Variants in NRXN2 observed in about 807,000 individuals in gnomAD.
The protein encoded by NRXN2 is neurexin 2.
Under a neutral mutation model 128.8 loss-of-function variants are expected in NRXN2, and 29 were observed. The ratio of observed to expected loss-of-function variants is 0.23; its 90% confidence interval spans 0.17 to 0.31. The LOEUF (loss-of-function observed/expected upper bound fraction) is 0.31, where lower values mean the gene tolerates loss of function less well. Among genes scored for constraint, NRXN2 ranks in the 10% least tolerant of loss-of-function variants. NRXN2 has a pLI of 1.00. For missense variants in NRXN2, 1,881 were observed against 2,452.6 expected, an observed-to-expected ratio of 0.77 and a Z score of 4.92; for synonymous variants, 1,098 against 1,075.2, an observed-to-expected ratio of 1.02 and a Z score of -0.41.
intron 1 of NRXN2, among the ~76,000 whole-genome samples, chr11:64,716,375 G>C (rs1278338646): frequency 1.3e-5 from 2 of 152,162 alleles, no homozygotes; most frequent in African/African-American, 2.4e-5. Context: ...GAAAGGCGAG[G>C]GGCAGGAAGT....
At chr11:64,609,984 G>GGC (rs939637809) in intron 22 of NRXN2, among the ~76,000 whole-genome samples, 1 of 152,018 alleles carries the variant, frequency 6.6e-6, no homozygotes. Context: ...TTCACATCTT[G>GGC]GCGCTCTTCT....
At position 64,648,796 on chromosome 11, in the gene NRXN2, C is replaced by T. The variant is rs2047073765; in HGVS notation, c.3221G>A (p.Arg1074His). ...GCLASVDLNG[R>H]LPDLIADALH... is the part of the protein sequence containing the mutation. ...GGCGTCGGCGATGAGGTCTGGGAGA[C>T]GTCCGTTGAGGTCCACTGAGGCCAG... Residue 1074 changes from arginine (R) to histidine (H), a missense_variant, in exon 16 of 23, where the codon CGT becomes CAT. This residue lies in a region of NRXN2 where 390 missense variants were observed against 599.6 expected (regional missense o/e 0.65). Coordinates refer to ENST00000265459, the MANE Select transcript of NRXN2 (RefSeq NM_015080.4). This position sits in a 1 kb window ranked among gnomAD's most constrained non-coding sequence, Gnocchi z 4.1. The T allele has an allele frequency of 1.9e-6, 3 of 1,614,158 alleles. No individual in the cohort carries two copies. The highest frequency in any genetic ancestry group is 2.2e-5 in the East Asian group (1 of 44,884).
chr11:64,661,195 C>T, intron 9 of NRXN2, 56 bp from the exon 10 acceptor site: 1 of 1,609,080 alleles, frequency 6.2e-7, no homozygotes, highest in Admixed American at 1.7e-5. Context: ...AAGGGACATC[C>T]TGACTCTGCC....
chr11:64,660,831 C>T lies in NRXN2; in HGVS notation c.2107G>A (p.Gly703Ser), dbSNP rs2048927444. ...QCASAPCRNG[G>S]VCREGWNRFI... ...CGGTTCCAGCCTTCTCGACAGACGC[C>T]CCCATTGCGACAGGGGGCAGATGCA... The change falls in exon 10 of 23, where the codon GGC becomes AGC. Residue 703 changes from glycine (G) to serine (S), a missense_variant. Physicochemically the swap from Gly to Ser is moderately conservative, Grantham distance 56. Around this residue, in one of 7 missense-constraint regions of NRXN2, gnomAD observed 997 missense variants for 1,240.8 expected, o/e 0.80. Coordinates refer to ENST00000265459, the MANE Select transcript of NRXN2 (RefSeq NM_015080.4). The surrounding 1 kb of genome is among the most constrained non-coding windows in gnomAD (Gnocchi z 5.2). 1.9e-6 allele frequency: 3 copies of T among 1,614,030 alleles called. No homozygotes were observed. Among genetic ancestry groups the T allele is most frequent in the Non-Finnish European group, 2.5e-6 (3 of 1,179,996 alleles).
intron 12 of NRXN2, among the ~76,000 whole-genome samples, chr11:64,653,400 A>C (rs1591824478): frequency 1.3e-5 from 2 of 150,812 alleles, no homozygotes; most frequent in South Asian, 4.2e-4. Flanking sequence ...CCTCCTCCCC[A>C]CCCTCCTGCT....
intron 19 of NRXN2, among the ~76,000 whole-genome samples, chr11:64,626,933 A>T (rs2043143169): frequency 6.6e-6 from 1 of 152,062 alleles, no homozygotes; most frequent in African/African-American, 2.4e-5. Flanking sequence ...GGCATTTAGC[A>T]GGTTTAAGTT....
chr11:64,701,708 C>T (rs1207619955), intron 2 of NRXN2, among the ~76,000 whole-genome samples: 1 of 152,324 alleles, frequency 6.6e-6, no homozygotes, highest in African/African-American at 2.4e-5. Context: ...CACTGCACTC[C>T]AGCCTGGACG....
Position 64,685,256 on chromosome 11 carries a change from C to T in NRXN2, c.1152+390G>A, listed in dbSNP as rs537151234. Among the ~76,000 whole-genome samples the T allele has an allele frequency of 2.0e-5, 3 of 152,294 alleles. No homozygotes were observed. In the South Asian group the frequency reaches 6.2e-4, roughly 32 times the overall value. ...CCACTCCACAGGAACCCCTCCCCAC[C>T]CCCTGGCACCCAGGAGCACCCATTC... On this transcript the variant is annotated intron_variant, in intron 6 of 22. Transcript: ENST00000265459.
intron 11 of NRXN2, among the ~76,000 whole-genome samples, chr11:64,658,376 G>T (rs981290135): frequency 6.6e-6 from 1 of 152,222 alleles, no homozygotes; most frequent in Non-Finnish European, 1.5e-5. Flanking sequence ...GGATGCAAGG[G>T]AGCATTGTGC....
intron 6 of NRXN2, among the ~76,000 whole-genome samples, chr11:64,682,028 C>A (rs1442256716): frequency 6.6e-6 from 1 of 152,024 alleles, no homozygotes; most frequent in African/African-American, 2.4e-5. Flanking sequence ...TCCTTGGGGA[C>A]TGCATGCTTG....
At chr11:64,645,413 G>A (rs905902043) in intron 17 of NRXN2, among the ~76,000 whole-genome samples, 27 of 152,148 alleles carry the variant, frequency 1.8e-4, no homozygotes, top group Non-Finnish European at 7.4e-5. Flanking sequence ...AGACTGCAGA[G>A]ATGAACGGAG....
Position 64,651,796 on chromosome 11 carries a change from T to C in NRXN2, c.2537-160A>G, listed in dbSNP as rs2047491775. On this transcript the variant is annotated intron_variant, in intron 13 of 22. Coordinates refer to ENST00000265459, the MANE Select transcript of NRXN2 (RefSeq NM_015080.4). The surrounding 1 kb of genome is among the most constrained non-coding windows in gnomAD (Gnocchi z 5.9). Reference sequence around the variant, plus strand: ...GCAGCCAGCACAGCTCCAAGAGGAGTGGCAGGACTCGCCAGTCAAGAGCCA... The same window carrying C: ...GCAGCCAGCACAGCTCCAAGAGGAGCGGCAGGACTCGCCAGTCAAGAGCCA... 6.6e-6 allele frequency among the ~76,000 whole-genome samples: 1 copy of C among 151,688 alleles called. No individual in the cohort carries two copies. Among genetic ancestry groups the C allele is most frequent in the Non-Finnish European group, 1.5e-5 (1 of 67,940 alleles).
rs370931744 is a variant in NRXN2, at chr11:64,607,923, G to C, written c.4412C>G (p.Pro1471Arg). Reference protein sequence around the residue: ...DTLPPPAARRPPSGGPCQAER... With the variant: ...DTLPPPAARRRPSGGPCQAER... ...GGCCTGGCACGGGCCCCCAGAGGGC[G>C]GGCGGCGCGCGGCGGGCGGGGGCAG... is the stretch of plus-strand genomic sequence containing the variant. Residue 1471 changes from proline (P) to arginine (R), a missense_variant, in exon 23 of 23, where the codon CCG (proline) becomes CGG (arginine). This residue lies in a region of NRXN2 where 310 missense variants were observed against 318.2 expected (regional missense o/e 0.97). Coordinates refer to ENST00000265459, the MANE Select transcript of NRXN2 (RefSeq NM_015080.4). 6.4e-7 allele frequency: 1 copy of C among 1,555,928 alleles called. No individual in the cohort carries two copies. Among genetic ancestry groups the C allele is most frequent in the Non-Finnish European group, 8.7e-7 (1 of 1,151,506 alleles).
At chr11:64,662,372 G>A (rs2049156268) in intron 9 of NRXN2, among the ~76,000 whole-genome samples, 1 of 152,224 alleles carries the variant, frequency 6.6e-6, no homozygotes, top group Non-Finnish European at 1.5e-5. Context: ...TCTGGTAGGA[G>A]TTCCATAGCC....
chr11:64,634,372 T>C (rs1591645880), intron 18 of NRXN2, among the ~76,000 whole-genome samples: 1 of 151,464 alleles, frequency 6.6e-6, no homozygotes, highest in African/African-American at 2.4e-5. Flanking sequence ...AGAAATGAAA[T>C]GGAGCAATAC....
chr11:64,607,385 G>A lies in NRXN2; in HGVS notation c.4950C>T (p.Ile1650=), dbSNP rs2039788877. Residue 1650 remains isoleucine (I), a synonymous_variant, in exon 23 of 23, where the codon ATC becomes ATT. Transcript: ENST00000265459. ...TATACATGGCGTAGAGGAGGATGAGGATGCAGAGCGCCGCCGCCGCCACAA... is the reference window on the plus strand; with the variant it reads ...TATACATGGCGTAGAGGAGGATGAGAATGCAGAGCGCCGCCGCCGCCACAA... ...VGIVAAAALC[I]LILLYAMYKY... is the part of the protein sequence containing the mutation. 3 of 1,613,260 alleles carry A rather than the reference G, an allele frequency of 1.9e-6. No homozygotes were observed. Among genetic ancestry groups the A allele is most frequent in the Non-Finnish European group, 2.5e-6 (3 of 1,179,920 alleles).
rs1428772338 is a variant in NRXN2, at chr11:64,685,650, C to T, written c.1148G>A (p.Arg383His). Residue 383 changes from arginine (R) to histidine (H), a missense_variant, in exon 6 of 23, where the codon CGC (arginine) becomes CAC (histidine). Arg to His is a conservative substitution (Grantham distance 29, BLOSUM62 0). This residue lies in a region of NRXN2 where 997 missense variants were observed against 1,240.8 expected (regional missense o/e 0.80). Coordinates refer to ENST00000265459, the MANE Select transcript of NRXN2 (RefSeq NM_015080.4). ...CCTTCTTCTCACTCCTCCTACCTGG[C>T]GCAGGTTTCGGGTGACCCGGACGTC... Reference protein sequence around the residue: ...WHDVRVTRNLRQHAGIGHAMV... With the variant: ...WHDVRVTRNLHQHAGIGHAMV... The T allele has an allele frequency of 2.5e-6, 4 of 1,614,230 alleles. No individual in the cohort carries two copies. The highest frequency in any genetic ancestry group is 1.7e-5 in the Admixed American group (1 of 60,024).
At position 64,650,531 on chromosome 11, in the gene NRXN2, T is replaced by C. The variant is rs1431782833; in HGVS notation, c.3026A>G (p.Asp1009Gly). The stretch of plus-strand genomic sequence containing the variant: ...CTTGAGCGTGTGCACGTTGCCTGGG[T>C]CCCTGGACACCACCACGTTGTGCCA... ...NQWHNVVVSR[D>G]PGNVHTLKID... is the part of the protein sequence containing the mutation. The change falls in exon 15 of 23, where the codon GAC becomes GGC. Residue 1009 changes from aspartate to glycine, a missense_variant. This residue lies in a region of NRXN2 where 390 missense variants were observed against 599.6 expected (regional missense o/e 0.65). Transcript: ENST00000265459. 2 of 1,614,128 alleles carry C rather than the reference T, an allele frequency of 1.2e-6. No homozygotes were observed. The highest frequency in any genetic ancestry group is 8.5e-7 in the Non-Finnish European group (1 of 1,180,016).
intron 21 of NRXN2, among the ~76,000 whole-genome samples, chr11:64,620,763 G>A (rs1357248461): frequency 1.3e-5 from 2 of 149,898 alleles, no homozygotes; most frequent in African/African-American, 4.9e-5. Flanking sequence ...AGAGGCCAGC[G>A]CAGGCAGAAT....
Sources: gnomAD v4.1 joint callset for allele counts (sites outside exome capture counted in the v4.1 genomes callset) on GRCh38, gnomAD v4.1.1 for gene constraint, gnomAD v4.1.1 regional missense constraint, Gnocchi (gnomAD v3.1) non-coding constraint, MANE v1.5 for transcripts, NCBI Gene and HGNC (gene_info 2026-07-23, HGNC 2026-07-21) for gene names.